FRMD5: variants seen among roughly 807,000 people sequenced by gnomAD.
The protein encoded by FRMD5 is FERM domain-containing protein 5.
A neutral mutation model predicts 69.0 loss-of-function variants in FRMD5; 20 were observed. The observed-to-expected ratio is 0.29, with a 90% CI of 0.20 to 0.42. FRMD5 has a LOEUF of 0.42. Ranked by LOEUF, FRMD5 falls within the 10% of genes least tolerant of loss-of-function variation. The probability of loss-of-function intolerance (pLI) is 1.00; values close to 1 mark genes in which losing one functional copy is unlikely to be tolerated. For synonymous variants in FRMD5, 271 were observed against 260.1 expected (o/e 1.04, Z -0.40); for missense variants, 595 against 708.6 (o/e 0.84, Z 1.82).
intron 1 of FRMD5, among the ~76,000 whole-genome samples, chr15:44,048,868 G>A (rs769908119): frequency 2.6e-5 from 4 of 150,986 alleles, no homozygotes; most frequent in South Asian, 2.1e-4. Context: ...CACCATGCCC[G>A]GCCTCATTAT....
At chr15:43,900,998 CCTT>C (rs751583659) in intron 7 of FRMD5, among the ~76,000 whole-genome samples, 7 of 152,236 alleles carry the variant, frequency 4.6e-5, no homozygotes, top group South Asian at 2.1e-4. Flanking sequence ...CAGAATGTGA[CCTT>C]CTTTGAAGAC....
At chr15:43,960,138 G>T (rs2090174139) in intron 1 of FRMD5, among the ~76,000 whole-genome samples, 2 of 152,088 alleles carry the variant, frequency 1.3e-5, no homozygotes, top group South Asian at 4.1e-4. Context: ...GCCCAGGCTG[G>T]AGTGCAGTGG....
intron 1 of FRMD5, among the ~76,000 whole-genome samples, chr15:44,118,974 T>C (rs1335479503): frequency 6.6e-6 from 1 of 152,132 alleles, no homozygotes; most frequent in African/African-American, 2.4e-5. Flanking sequence ...ATTTAACTTT[T>C]ATTTTTTAGA....
intron 1 of FRMD5, among the ~76,000 whole-genome samples, chr15:44,057,945 T>C (rs1264354858): frequency 1.3e-5 from 2 of 152,204 alleles, no homozygotes; most frequent in African/African-American, 4.8e-5. Flanking sequence ...CATGGAGTCC[T>C]ATATATCCCA....
intron 1 of FRMD5, among the ~76,000 whole-genome samples, chr15:44,051,717 T>G (rs1278594679): frequency 6.6e-6 from 1 of 152,168 alleles, no homozygotes; most frequent in Non-Finnish European, 1.5e-5. Context: ...TTTATGATCT[T>G]GACAGTTTCG....
rs74460067 is a variant in FRMD5, at chr15:44,141,589, A to T, written c.102+53364T>A. On this transcript the variant is annotated intron_variant, in intron 1 of 13. Transcript: ENST00000417257. ...CCCTAAATGTGAAAAGCAAAACTGC[A>T]GGACATTCCACAGAAATTATAACAT... is the stretch of plus-strand genomic sequence containing the variant. 2.3e-3 allele frequency among the ~76,000 whole-genome samples: 350 copies of T among 152,338 alleles called. 8 individuals are homozygous for T. The East Asian group carries it at 0.058, about 25-fold the overall frequency.
At chr15:44,111,152 A>AACAT (rs2076790160) in intron 1 of FRMD5, among the ~76,000 whole-genome samples, 1 of 152,192 alleles carries the variant, frequency 6.6e-6, no homozygotes, top group African/African-American at 2.4e-5. Flanking sequence ...ATATATATGT[A>AACAT]ACATACATAT....
chr15:44,027,935 C>T (rs1166112785), intron 1 of FRMD5, among the ~76,000 whole-genome samples: 9 of 151,874 alleles, frequency 5.9e-5, no homozygotes, highest in Non-Finnish European at 4.4e-5. Context: ...TGAGCCACCG[C>T]GCCCGGCCCT....
At chr15:43,977,271 T>C (rs555852640) in intron 1 of FRMD5, among the ~76,000 whole-genome samples, 4 of 152,296 alleles carry the variant, frequency 2.6e-5, no homozygotes, top group African/African-American at 7.2e-5. Context: ...ATGGGTGAGG[T>C]TGACCTTTGC....
intron 1 of FRMD5, among the ~76,000 whole-genome samples, chr15:44,056,589 A>G (rs1385000015): frequency 6.6e-6 from 1 of 152,184 alleles, no homozygotes; most frequent in Non-Finnish European, 1.5e-5. Context: ...ACATGTTTCA[A>G]TAGTCTAAAG....
intron 4 of FRMD5, among the ~76,000 whole-genome samples, chr15:43,915,871 G>A (rs1240757539): frequency 6.6e-6 from 1 of 152,206 alleles, no homozygotes; most frequent in East Asian, 1.9e-4. Context: ...TTGGCAGCAA[G>A]GTGGGATGGA....
intron 5 of FRMD5, among the ~76,000 whole-genome samples, chr15:43,908,059 G>A (rs2089213504): frequency 6.6e-6 from 1 of 152,094 alleles, no homozygotes; most frequent in Non-Finnish European, 1.5e-5. Context: ...AAAGACTAGA[G>A]TTTAAGACTC....
chr15:44,033,353 A>G (rs1891770062), intron 1 of FRMD5, among the ~76,000 whole-genome samples: 1 of 152,120 alleles, frequency 6.6e-6, no homozygotes, highest in Non-Finnish European at 1.5e-5. Context: ...ACATGTTTAC[A>G]TATGTAAAAA....
intron 1 of FRMD5, among the ~76,000 whole-genome samples, chr15:43,969,692 G>A (rs1286183279): frequency 2.0e-5 from 3 of 152,138 alleles, no homozygotes. Context: ...ATAAATAACA[G>A]CCCTGAGAGG....
chr15:43,884,817 C>G, intron 11 of FRMD5, 22 bp from the exon 12 acceptor site: 1 of 1,606,280 alleles, frequency 6.2e-7, no homozygotes, highest in African/African-American at 1.3e-5. Flanking sequence ...GTAATAAAAA[C>G]AAGCAGCAAG....
At chr15:44,160,787 G>A (rs900664486) in intron 1 of FRMD5, among the ~76,000 whole-genome samples, 9 of 152,112 alleles carry the variant, frequency 5.9e-5, no homozygotes, top group Admixed American at 5.9e-4. Context: ...CAATATCTTA[G>A]TATTTTATTT....
At chr15:43,918,407 A>C (rs545292762) in intron 4 of FRMD5, among the ~76,000 whole-genome samples, 17 of 152,336 alleles carry the variant, frequency 1.1e-4, no homozygotes, top group African/African-American at 4.1e-4. Flanking sequence ...CTGGGCAACA[A>C]GAGCGAAACT....
At chr15:43,998,977 T>C (rs1412477108) in intron 1 of FRMD5, among the ~76,000 whole-genome samples, 1 of 152,222 alleles carries the variant, frequency 6.6e-6, no homozygotes, top group Non-Finnish European at 1.5e-5. Context: ...AAATAAGCTG[T>C]AATCATCAAA....
At chr15:43,895,408 C>G (rs756420242) in intron 7 of FRMD5, among the ~76,000 whole-genome samples, 6 of 152,190 alleles carry the variant, frequency 3.9e-5, no homozygotes, top group Non-Finnish European at 8.8e-5. Context: ...ATACACAGTC[C>G]CACAAGATGG....
Sources: gnomAD v4.1 joint callset for allele counts (sites outside exome capture counted in the v4.1 genomes callset) on GRCh38, gnomAD v4.1.1 for gene constraint, MANE v1.5 for transcripts, NCBI Gene and HGNC (gene_info 2026-07-23, HGNC 2026-07-21) for gene names.